IMPG1: variants seen among roughly 807,000 people sequenced by gnomAD.
The protein encoded by IMPG1 is interphotoreceptor matrix proteoglycan of 150 kDa.
A neutral mutation model predicts 92.0 loss-of-function variants in IMPG1; 85 were observed. That is an observed-to-expected ratio of 0.92 (90% CI 0.78 to 1.11). IMPG1 has a LOEUF of 1.11. Among genes scored for constraint, IMPG1 ranks in the 50% least tolerant of loss-of-function variants. The pLI, the probability that IMPG1 is intolerant of heterozygous loss-of-function variation, is 0.00. For synonymous variants in IMPG1, 367 were observed against 334.1 expected (o/e 1.10, Z -1.08); for missense variants, 1,022 against 956.0 (o/e 1.07, Z -0.91).
chr6:76,070,716 G>A (rs1204957018), intron 1 of IMPG1, among the ~76,000 whole-genome samples: 1 of 152,074 alleles, frequency 6.6e-6, no homozygotes, highest in Non-Finnish European at 1.5e-5. Flanking sequence ...CTAAGAAACA[G>A]AAAGTCAAAT....
At chr6:75,932,549 C>T (rs1781682592) in intron 14 of IMPG1, among the ~76,000 whole-genome samples, 1 of 152,122 alleles carries the variant, frequency 6.6e-6, no homozygotes, top group Admixed American at 6.5e-5. Flanking sequence ...AAAAGATTGG[C>T]TCTATGATAG....
chr6:76,071,452 T>C (rs1281242284), intron 1 of IMPG1, among the ~76,000 whole-genome samples: 5 of 151,610 alleles, frequency 3.3e-5, no homozygotes, highest in Non-Finnish European at 7.4e-5. Flanking sequence ...AAATAAATTT[T>C]GCTTCTTTCA....
intron 12 of IMPG1, among the ~76,000 whole-genome samples, chr6:75,967,886 T>C (rs1782335038): frequency 6.6e-6 from 1 of 152,156 alleles, no homozygotes; most frequent in East Asian, 1.9e-4. Flanking sequence ...AGGCAATAAG[T>C]AGTTGAGCCC....
chr6:75,935,615 T>C (rs1374120311), intron 14 of IMPG1, among the ~76,000 whole-genome samples: 1 of 152,088 alleles, frequency 6.6e-6, no homozygotes, highest in African/African-American at 2.4e-5. Context: ...GGTGAAGGGG[T>C]CATTCCTTTG....
At chr6:75,950,504 A>T in intron 13 of IMPG1, 58 bp downstream of exon 13, 1 of 1,400,010 alleles carries the variant, frequency 7.1e-7, no homozygotes, top group South Asian at 1.5e-5. Context: ...TATATTATAA[A>T]ATAACAACAA....
rs1215734377 is a variant in IMPG1, at chr6:76,025,217, C to G, written c.539G>C (p.Gly180Ala). The change falls in exon 5 of 17, where the codon GGT becomes GCT. Residue 180 changes from glycine (G) to alanine (A), a missense_variant. By Grantham distance (60) the Gly-to-Ala change is moderately conservative. Transcript: ENST00000369950. ...ACCTGTTGAAATGACAATGGTTTCA[C>G]CAGGCTCTCCCAATGTCTTCTCTGC... ...ISAEKTLGEP[G>A]ETIVISTDVA... 3 of 1,602,518 alleles carry G rather than the reference C, an allele frequency of 1.9e-6. No individual in the cohort carries two copies. The highest frequency in any genetic ancestry group is 2.6e-6 in the Non-Finnish European group (3 of 1,170,660).
chr6:75,964,784 A>G (rs1180866157), intron 12 of IMPG1, among the ~76,000 whole-genome samples: 1 of 152,138 alleles, frequency 6.6e-6, no homozygotes, highest in African/African-American at 2.4e-5. Context: ...CATAATATCA[A>G]ACAATGTTGA....
intron 9 of IMPG1, among the ~76,000 whole-genome samples, chr6:76,006,102 T>G (rs552022071): frequency 7.8e-4 from 119 of 152,242 alleles, no homozygotes; most frequent in African/African-American, 2.8e-3. Context: ...GTGCTGAGGT[T>G]ACAGGCCTGA....
intron 8 of IMPG1, among the ~76,000 whole-genome samples, chr6:76,010,327 A>G (rs1399606967): frequency 6.6e-6 from 1 of 152,232 alleles, no homozygotes; most frequent in East Asian, 1.9e-4. Context: ...TGTTCATACC[A>G]GGGCTGATAT....
chr6:76,018,710 C>G lies in IMPG1; in HGVS notation c.807+8G>C, dbSNP rs1460276921. 1.7e-5 allele frequency: 27 copies of G among 1,612,356 alleles called. No individual in the cohort carries two copies. Among genetic ancestry groups the G allele is most frequent in the Non-Finnish European group, 2.1e-5 (25 of 1,179,248 alleles). On this transcript the variant is annotated splice_region_variant and intron_variant, in intron 7 of 16. Coordinates refer to ENST00000369950, the MANE Select transcript of IMPG1 (RefSeq NM_001563.4). ...TGAGGTGTGGTTGTATGGGCCGGGT[C>G]TACTCACCTGAAGTTGGGACTTTCC...
Position 75,951,047 on chromosome 6 carries a change from C to A in IMPG1, c.1339G>T (p.Ala447Ser). The A allele has an allele frequency of 1.2e-6, 2 of 1,613,574 alleles. No individual in the cohort carries two copies. The highest frequency in any genetic ancestry group is 1.7e-6 in the Non-Finnish European group (2 of 1,179,714). ...CTTGATGCCATAAAGAAAGGTGGAGCTTCTGACAGGGAGGTAGAGGCCATA... is the reference window on the plus strand; with the variant it reads ...CTTGATGCCATAAAGAAAGGTGGAGATTCTGACAGGGAGGTAGAGGCCATA... ...PAMASTSLSE[A>S]PPFFMASSIF... The change falls in exon 13 of 17, where the codon GCT becomes TCT. Residue 447 changes from alanine (A) to serine (S), a missense_variant. Physicochemically the swap from Ala to Ser is moderately conservative, Grantham distance 99. Around this residue, in one of 3 missense-constraint regions of IMPG1, gnomAD observed 681 missense variants for 583.6 expected, o/e 1.17. Transcript: ENST00000369950.
chr6:75,932,684 G>A (rs2149450834), intron 14 of IMPG1, among the ~76,000 whole-genome samples: 1 of 151,996 alleles, frequency 6.6e-6, no homozygotes. Flanking sequence ...TCATGGGTAG[G>A]CCATACCAAT....
chr6:76,068,571 G>C (rs1472565887), intron 1 of IMPG1, among the ~76,000 whole-genome samples: 1 of 141,060 alleles, frequency 7.1e-6, no homozygotes, highest in Non-Finnish European at 1.5e-5. Flanking sequence ...CTGGAGTGCA[G>C]TGGCATGATC....
In IMPG1 at chr6:76,003,859, G is replaced by GTTA. The variant is rs767935362; in HGVS notation, c.1212+14_1212+15insTAA. ...CTTTGTTCCTAGTTAAAGAACAAAA[G>GTTA]GACAACAAACTTACCTCTGTTATAA... On this transcript the variant is annotated intron_variant, in intron 11 of 16. Coordinates refer to ENST00000369950, the MANE Select transcript of IMPG1 (RefSeq NM_001563.4). 1 of 1,597,010 alleles carries GTTA rather than the reference G, an allele frequency of 6.3e-7. No individual in the cohort carries two copies. The highest frequency in any genetic ancestry group is 8.6e-7 in the Non-Finnish European group (1 of 1,167,908).
chr6:76,071,107 A>T (rs928130988), intron 1 of IMPG1, among the ~76,000 whole-genome samples: 1 of 148,962 alleles, frequency 6.7e-6, no homozygotes, highest in East Asian at 1.9e-4. Context: ...AATATATTAC[A>T]TATATTAAAT....
At position 75,925,137 on chromosome 6, in the gene IMPG1, A is replaced by G. The variant is rs1022890323; in HGVS notation, c.2244-1431T>C. Among the ~76,000 whole-genome samples the G allele has an allele frequency of 7.2e-5, 11 of 152,128 alleles. No homozygotes were observed. In the South Asian group the frequency reaches 1.5e-3, roughly 20 times the overall value. On this transcript the variant is annotated intron_variant, in intron 15 of 16. Coordinates refer to ENST00000369950, the MANE Select transcript of IMPG1 (RefSeq NM_001563.4). ...TGAATGTTTTTACTACAAAGAAAAG[A>G]TAAATGTTTGAGATGATGGGAATGC...
chr6:75,975,463 C>T (rs1308587701), intron 12 of IMPG1, among the ~76,000 whole-genome samples: 1 of 152,186 alleles, frequency 6.6e-6, no homozygotes, highest in African/African-American at 2.4e-5. Flanking sequence ...TATCACCTAG[C>T]ATACCTTTGG....
intron 1 of IMPG1, among the ~76,000 whole-genome samples, chr6:76,072,144 TAAG>T (rs1169302725): frequency 6.6e-6 from 1 of 152,170 alleles, no homozygotes; most frequent in Non-Finnish European, 1.5e-5. Context: ...ACATTAATAA[TAAG>T]AATTTTCAAT....
chr6:76,050,790 A>G (rs1397673968), intron 1 of IMPG1, among the ~76,000 whole-genome samples: 3 of 152,190 alleles, frequency 2.0e-5, no homozygotes, highest in African/African-American at 7.2e-5. Context: ...CTTCTAGAGG[A>G]AATTTTTTTT....
Sources: allele counts gnomAD v4.1 joint callset (sites outside exome capture counted in the v4.1 genomes callset), GRCh38; gene constraint gnomAD v4.1.1; regional missense constraint gnomAD v4.1.1; transcripts MANE v1.5; gene names NCBI Gene and HGNC (gene_info 2026-07-23, HGNC 2026-07-21).